Variants in SPDYA observed in about 807,000 individuals in gnomAD.
The protein encoded by SPDYA is speedy protein A.
A neutral mutation model predicts 36.7 loss-of-function variants in SPDYA; 11 were observed. The observed-to-expected ratio is 0.30, with a 90% CI of 0.19 to 0.50. The LOEUF (loss-of-function observed/expected upper bound fraction) is 0.50. Ranked by LOEUF, SPDYA falls within the 20% of genes least tolerant of loss-of-function variation. The probability of loss-of-function intolerance (pLI) is 0.98; values close to 1 mark genes in which losing one functional copy is unlikely to be tolerated. For synonymous variants in SPDYA, 115 were observed against 118.7 expected, an observed-to-expected ratio of 0.97 and a Z score of 0.20; for missense variants, 287 against 370.9, an observed-to-expected ratio of 0.77 and a Z score of 1.86.
rs149252514 is a variant in SPDYA at position 28,816,099 on chromosome 2, A to T, written c.85A>T (p.Lys29Ter). The change falls in exon 3 of 8, where the codon AAA becomes TAA. Residue 29 changes from lysine (K) to a stop codon, truncating the protein, a stop_gained. Coordinates refer to ENST00000334056, the MANE Select transcript of SPDYA (RefSeq NM_182756.4). LOFTEE classifies it high-confidence loss of function. ...AGGGTCAAATAGATCACATCAGCCT[A>T]AAAAGCCCATTACTCTGAAGCGTCC... ...KSGSNRSHQP[K>*]KPITLKRPIC... 1.2e-6 allele frequency: 2 copies of T among 1,613,930 alleles called. No individual in the cohort carries two copies. Among genetic ancestry groups the T allele is most frequent in the Non-Finnish European group, 1.7e-6 (2 of 1,179,990 alleles).
chr2:28,815,538 A>C (rs999622971), intron 2 of SPDYA, among the ~76,000 whole-genome samples: 2 of 152,066 alleles, frequency 1.3e-5, no homozygotes, highest in African/African-American at 2.4e-5. Flanking sequence ...GGTGCTTTGT[A>C]ATTTAATACT....
intron 5 of SPDYA, among the ~76,000 whole-genome samples, chr2:28,823,373 A>G (rs1668218699): frequency 6.6e-6 from 1 of 152,062 alleles, no homozygotes; most frequent in African/African-American, 2.4e-5. Context: ...CTGTAATCCC[A>G]ACACTTTGGG....
At chr2:28,823,619 G>A (rs1158742360) in intron 5 of SPDYA, among the ~76,000 whole-genome samples, 11 of 130,182 alleles carry the variant, frequency 8.4e-5, no homozygotes, top group East Asian at 2.3e-4. Flanking sequence ...GCAAGACTCC[G>A]TCTCAGGAAA....
At chr2:28,826,909 A>G (rs983171270) in intron 5 of SPDYA, among the ~76,000 whole-genome samples, 30 of 138,834 alleles carry the variant, frequency 2.2e-4, no homozygotes, top group African/African-American at 8.0e-4. Context: ...GAGCCACTGG[A>G]CCCATCCCCA....
chr2:28,840,560 A>G (rs1400674684), intron 7 of SPDYA, 91 bp downstream of exon 7: 3 of 1,494,340 alleles, frequency 2.0e-6, no homozygotes, highest in Non-Finnish European at 1.8e-6. Context: ...ATAATAATTT[A>G]TATACTCCAA....
intron 7 of SPDYA, among the ~76,000 whole-genome samples, chr2:28,847,856 A>G (rs1668920156): frequency 6.6e-6 from 1 of 152,162 alleles, no homozygotes; most frequent in Non-Finnish European, 1.5e-5. Flanking sequence ...CCTGTACTGC[A>G]ACACAGTACC....
At chr2:28,827,771 G>T (rs891004594) in intron 5 of SPDYA, among the ~76,000 whole-genome samples, 1 of 151,908 alleles carries the variant, frequency 6.6e-6, no homozygotes, top group South Asian at 2.1e-4. Flanking sequence ...CTTCTTTGTA[G>T]GTTTATAGTT....
chr2:28,821,178 A>AT (rs1016145776), intron 4 of SPDYA, among the ~76,000 whole-genome samples: 2,522 of 130,264 alleles, frequency 0.019, 29 homozygotes, highest in Non-Finnish European at 0.03. Flanking sequence ...TTATGATGTG[A>AT]TTTTTTTTTT....
chr2:28,823,383 G>A (rs1464194922), intron 5 of SPDYA, among the ~76,000 whole-genome samples: 1 of 152,002 alleles, frequency 6.6e-6, no homozygotes, highest in Non-Finnish European at 1.5e-5. Context: ...AACACTTTGG[G>A]AGGCCGAGGC....
chr2:28,836,661 T>C (rs1668613824), intron 6 of SPDYA, among the ~76,000 whole-genome samples: 1 of 152,224 alleles, frequency 6.6e-6, no homozygotes, highest in African/African-American at 2.4e-5. Context: ...CCCTTTTGGG[T>C]CTAAGCTCAA....
chr2:28,832,742 C>T (rs1668506887), intron 6 of SPDYA, among the ~76,000 whole-genome samples: 1 of 152,024 alleles, frequency 6.6e-6, no homozygotes. Context: ...ATCCAGCATC[C>T]TACCATTTCT....
At chr2:28,825,780 C>G (rs368769467) in intron 5 of SPDYA, among the ~76,000 whole-genome samples, 72 of 152,224 alleles carry the variant, frequency 4.7e-4, no homozygotes, top group African/African-American at 1.7e-3. Flanking sequence ...CTCTGTCACC[C>G]AGGCTGGAGT....
chr2:28,826,984 C>G (rs1345235981), intron 5 of SPDYA, among the ~76,000 whole-genome samples: 1 of 140,098 alleles, frequency 7.1e-6, no homozygotes, highest in African/African-American at 2.7e-5. Context: ...AGGAGTCTCG[C>G]TCTGTCGCCC....
At chr2:28,845,319 C>T (rs1293350390) in intron 7 of SPDYA, among the ~76,000 whole-genome samples, 1 of 148,502 alleles carries the variant, frequency 6.7e-6, no homozygotes, top group Non-Finnish European at 1.5e-5. Context: ...TGGTCTCGGA[C>T]TCCTGACCTC....
At chr2:28,820,853 T>C (rs1558322826) in intron 4 of SPDYA, among the ~76,000 whole-genome samples, 1 of 152,120 alleles carries the variant, frequency 6.6e-6, no homozygotes, top group Non-Finnish European at 1.5e-5. Context: ...TAGAAGAAGG[T>C]TTATAAAATT....
chr2:28,849,727 C>T (rs1254956754), intron 7 of SPDYA, 123 bp from the exon 8 acceptor site: 2 of 571,202 alleles, frequency 3.5e-6, no homozygotes, highest in Non-Finnish European at 6.1e-6. Flanking sequence ...TTAAGTTTCC[C>T]CCCATTATTT....
At chr2:28,823,752 T>C (rs181350071) in intron 5 of SPDYA, among the ~76,000 whole-genome samples, 3 of 109,112 alleles carry the variant, frequency 2.7e-5, no homozygotes, top group Non-Finnish European at 3.8e-5. Context: ...TATAAAATTT[T>C]TTTTTTTTTT....
intron 4 of SPDYA, among the ~76,000 whole-genome samples, chr2:28,819,841 AAAAAAAAAATATATATATATATATAT>A (rs1170169301): frequency 2.0e-4 from 10 of 49,930 alleles, no homozygotes; most frequent in African/African-American, 8.3e-4. Flanking sequence ...AAAAAAAAAA[AAAAAAAAAATATATATATATATATAT>A]ATATATATAT....
chr2:28,823,806 C>T (rs1668243125), intron 5 of SPDYA, among the ~76,000 whole-genome samples: 6 of 122,012 alleles, frequency 4.9e-5, no homozygotes, highest in East Asian at 2.6e-4. Flanking sequence ...AGTGCAGTGG[C>T]GTGATCTTGG....
Sources: gnomAD v4.1 joint callset for allele counts (sites outside exome capture counted in the v4.1 genomes callset) on GRCh38, gnomAD v4.1.1 for gene constraint, MANE v1.5 for transcripts, NCBI Gene and HGNC (gene_info 2026-07-23, HGNC 2026-07-21) for gene names.